Variants in EXOC6B observed in about 807,000 individuals in gnomAD.
The protein encoded by EXOC6B is exocyst complex component 6B, also known as SEC15 homolog B.
A neutral mutation model predicts 113.5 loss-of-function variants in EXOC6B; 54 were observed. The ratio of observed to expected loss-of-function variants is 0.48; its 90% CI spans 0.38 to 0.60. The LOEUF is 0.60. Ranked by LOEUF, EXOC6B falls within the 20% of genes least tolerant of loss-of-function variation. The pLI is 0.00. For missense variants in EXOC6B, 797 were observed against 977.5 expected, an observed-to-expected ratio of 0.82 and a Z score of 2.46; for synonymous variants, 357 against 339.0, an observed-to-expected ratio of 1.05 and a Z score of -0.58.
intron 18 of EXOC6B, among the ~76,000 whole-genome samples, chr2:72,441,400 T>C (rs905450325): frequency 4.0e-5 from 6 of 149,868 alleles, no homozygotes; most frequent in African/African-American, 1.5e-4. Flanking sequence ...AAATCAGAGC[T>C]GAACTGAAAG....
intron 20 of EXOC6B, among the ~76,000 whole-genome samples, chr2:72,325,636 T>C (rs1688086783): frequency 6.6e-6 from 1 of 151,904 alleles, no homozygotes; most frequent in Non-Finnish European, 1.5e-5. Context: ...TGAGCTAGCA[T>C]TTCCAGACAC....
intron 17 of EXOC6B, among the ~76,000 whole-genome samples, chr2:72,470,232 G>A (rs1423768203): frequency 3.3e-5 from 5 of 151,996 alleles, no homozygotes; most frequent in Non-Finnish European, 7.4e-5. Context: ...CTTTCCATTT[G>A]TTTGTGTCCT....
chr2:72,505,988 C>T (rs1700575328), intron 11 of EXOC6B, among the ~76,000 whole-genome samples: 1 of 151,930 alleles, frequency 6.6e-6, no homozygotes, highest in African/African-American at 2.4e-5. Flanking sequence ...AGAAACTCAA[C>T]CAAATATATT....
intron 6 of EXOC6B, among the ~76,000 whole-genome samples, chr2:72,705,595 G>A (rs866759823): frequency 1.3e-5 from 2 of 151,610 alleles, no homozygotes; most frequent in African/African-American, 2.4e-5. Flanking sequence ...ATACACACAC[G>A]TGCATACATA....
At chr2:72,427,709 C>T (rs1474253965) in intron 18 of EXOC6B, among the ~76,000 whole-genome samples, 5 of 152,126 alleles carry the variant, frequency 3.3e-5, no homozygotes, top group East Asian at 3.9e-4. Flanking sequence ...AGGGGGCAGA[C>T]GGGCACCCTG....
At chr2:72,822,779 C>G (rs567587005) in intron 1 of EXOC6B, among the ~76,000 whole-genome samples, 47 of 152,136 alleles carry the variant, frequency 3.1e-4, no homozygotes, top group African/African-American at 1.1e-3. Flanking sequence ...GAATCTGGTG[C>G]CTTTACAATG....
chr2:72,399,385 C>T (rs967083235), intron 18 of EXOC6B, among the ~76,000 whole-genome samples: 1 of 152,086 alleles, frequency 6.6e-6, no homozygotes, highest in African/African-American at 2.4e-5. Flanking sequence ...CTATTCAACA[C>T]AGTACTGGAA....
At chr2:72,620,990 A>T (rs1283706684) in intron 6 of EXOC6B, among the ~76,000 whole-genome samples, 4 of 152,194 alleles carry the variant, frequency 2.6e-5, no homozygotes, top group Non-Finnish European at 5.9e-5. Context: ...TATTATTTAA[A>T]AGTCAAGAAG....
chr2:72,769,669 G>A lies in EXOC6B; in HGVS notation c.114-28200C>T, dbSNP rs551607520. On this transcript the variant is annotated intron_variant, in intron 1 of 21. Coordinates refer to ENST00000272427, the MANE Select transcript of EXOC6B (RefSeq NM_015189.3). ...TCTACTAAAAATACAAAAATTAGCC[G>A]GGTGTGGTGACACGTGCCTGTAATC... Among the ~76,000 whole-genome samples, 25 of 152,134 alleles carry A rather than the reference G, an allele frequency of 1.6e-4. No individual in the cohort carries two copies. The East Asian group carries it at 3.3e-3, about 20-fold the overall frequency.
At chr2:72,793,596 A>T (rs1225198016) in intron 1 of EXOC6B, among the ~76,000 whole-genome samples, 1 of 152,238 alleles carries the variant, frequency 6.6e-6, no homozygotes, top group Non-Finnish European at 1.5e-5. Context: ...GAGTCAGGAA[A>T]AAAAAGAGAT....
chr2:72,738,662 T>C (rs928223837), intron 2 of EXOC6B, among the ~76,000 whole-genome samples: 4 of 152,196 alleles, frequency 2.6e-5, no homozygotes, highest in African/African-American at 9.6e-5. Flanking sequence ...GACCAATACA[T>C]AGAAAGACGC....
At chr2:72,376,884 A>C (rs1184425606) in intron 19 of EXOC6B, among the ~76,000 whole-genome samples, 1 of 150,552 alleles carries the variant, frequency 6.6e-6, no homozygotes, top group African/African-American at 2.5e-5. Flanking sequence ...AAGGCTATTG[A>C]GTTTTGTTAG....
chr2:72,512,018 A>G (rs949916496), intron 11 of EXOC6B, among the ~76,000 whole-genome samples: 1 of 152,138 alleles, frequency 6.6e-6, no homozygotes, highest in Non-Finnish European at 1.5e-5. Flanking sequence ...TTGAGATAAG[A>G]GCCCTTGCAC....
chr2:72,705,717 GCA>G (rs770530136), intron 6 of EXOC6B, among the ~76,000 whole-genome samples: 12 of 150,080 alleles, frequency 8.0e-5, no homozygotes, highest in East Asian at 2.0e-4. Flanking sequence ...TCATGCATGC[GCA>G]CACACACACA....
At chr2:72,499,752 T>C in intron 12 of EXOC6B, 149 bp downstream of exon 12, 2 of 596,808 alleles carry the variant, frequency 3.4e-6, no homozygotes, top group Non-Finnish European at 6.1e-6. Flanking sequence ...GAGGCTAGTC[T>C]TGGACTCTTG....
Position 72,215,314 on chromosome 2 carries a change from G to T in EXOC6B, c.2197-31127C>A, listed in dbSNP as rs182121896. Among the ~76,000 whole-genome samples the T allele has an allele frequency of 2.2e-3, 336 of 152,204 alleles. 1 individual carries two copies. The highest frequency in any genetic ancestry group is 7.5e-3 in the African/African-American group (313 of 41,516). On this transcript the variant is annotated intron_variant, in intron 20 of 21. Coordinates refer to ENST00000272427, the MANE Select transcript of EXOC6B (RefSeq NM_015189.3). ...CCCTGGACCAGGCACAAGTTTCATGGCATCTCTTTAATTTATCACTCTAGC... is the reference window on the plus strand; with the variant it reads ...CCCTGGACCAGGCACAAGTTTCATGTCATCTCTTTAATTTATCACTCTAGC...
At chr2:72,532,921 A>G (rs1702090145) in intron 8 of EXOC6B, among the ~76,000 whole-genome samples, 2 of 152,194 alleles carry the variant, frequency 1.3e-5, no homozygotes, top group South Asian at 4.1e-4. Context: ...TGGGATAACT[A>G]TGTGGGATGA....
intron 6 of EXOC6B, among the ~76,000 whole-genome samples, chr2:72,658,341 C>CA (rs1467180112): frequency 6.2e-5 from 7 of 112,952 alleles, no homozygotes; most frequent in African/African-American, 1.7e-4. Flanking sequence ...ATGTAACAAC[C>CA]AAAAAAAGCT....
intron 6 of EXOC6B, among the ~76,000 whole-genome samples, chr2:72,602,515 AT>A (rs1233527342): frequency 6.6e-6 from 1 of 152,246 alleles, no homozygotes; most frequent in East Asian, 1.9e-4. Context: ...CTATCAATTA[AT>A]TAAAATCTTT....
Sources: gnomAD v4.1 joint callset for allele counts (sites outside exome capture counted in the v4.1 genomes callset) on GRCh38, gnomAD v4.1.1 for gene constraint, MANE v1.5 for transcripts, NCBI Gene and HGNC (gene_info 2026-07-23, HGNC 2026-07-21) for gene names.